The following FBXL13 variants were observed in gnomAD, a reference collection of about 807,000 sequenced individuals.
The protein encoded by FBXL13 is F-box and leucine rich repeat protein 13.
In FBXL13, 67 loss-of-function variants were observed where a neutral mutation model predicts 83.6. The observed-to-expected ratio is 0.80, with a 90% CI of 0.66 to 0.98. FBXL13 has a LOEUF of 0.98. FBXL13 is among the 50% of genes least tolerant of loss of function. FBXL13 has a pLI of 0.00. For synonymous variants in FBXL13, 272 were observed against 299.5 expected, an observed-to-expected ratio of 0.91 and a Z score of 0.95; for missense variants, 822 against 866.5, an observed-to-expected ratio of 0.95 and a Z score of 0.64.
chr7:102,846,748 G>GAAGCTTAAGAATCGTCCCT (rs61387388), intron 17 of FBXL13, among the ~76,000 whole-genome samples: 8 of 152,076 alleles, frequency 5.3e-5, no homozygotes, highest in Non-Finnish European at 7.3e-5. Context: ...TTGTACTAAG[G>GAAGCTTAAGAATCGTCCCT]AAGCTTAATG....
chr7:103,035,999 C>T (rs1303144838), intron 2 of FBXL13, among the ~76,000 whole-genome samples: 2 of 152,186 alleles, frequency 1.3e-5, no homozygotes, highest in East Asian at 3.8e-4. Context: ...AGGAGGTGAG[C>T]AGTGGGCAAG....
intron 17 of FBXL13, among the ~76,000 whole-genome samples, chr7:102,834,091 A>G (rs1462329377): frequency 0.099 from 7,470 of 75,332 alleles, 505 homozygotes; most frequent in African/African-American, 0.15. Flanking sequence ...GAAAGAAAAG[A>G]AAGAAAGAAA....
intron 6 of FBXL13, among the ~76,000 whole-genome samples, chr7:102,982,204 G>A (rs1380298295): frequency 6.6e-6 from 1 of 152,114 alleles, no homozygotes; most frequent in Admixed American, 6.5e-5. Context: ...CTTTTAGTTC[G>A]ATAGAACTAT....
At chr7:102,914,537 C>T (rs962179777) in intron 10 of FBXL13, among the ~76,000 whole-genome samples, 1 of 152,246 alleles carries the variant, frequency 6.6e-6, no homozygotes. Flanking sequence ...CAAAATCACA[C>T]AGGTGAATAA....
At chr7:102,936,533 G>A (rs1285408329) in intron 8 of FBXL13, among the ~76,000 whole-genome samples, 3 of 152,188 alleles carry the variant, frequency 2.0e-5, no homozygotes, top group Non-Finnish European at 4.4e-5. Context: ...TTGTTATGGT[G>A]AGTCCTTAGT....
intron 2 of FBXL13, among the ~76,000 whole-genome samples, chr7:103,050,420 T>C (rs1170057962): frequency 6.6e-6 from 1 of 152,180 alleles, no homozygotes; most frequent in Non-Finnish European, 1.5e-5. Context: ...CTTTTTTCGT[T>C]TTGGCCAGAA....
chr7:102,873,827 G>A (rs1441767909), intron 16 of FBXL13, among the ~76,000 whole-genome samples: 1 of 152,124 alleles, frequency 6.6e-6, no homozygotes, highest in Non-Finnish European at 1.5e-5. Flanking sequence ...CCTTTGTGCA[G>A]GCTGCTTCTT....
chr7:102,966,338 G>A (rs1352992231), intron 7 of FBXL13, among the ~76,000 whole-genome samples: 1 of 152,078 alleles, frequency 6.6e-6, no homozygotes, highest in Non-Finnish European at 1.5e-5. Context: ...TTTCCAACAA[G>A]GTATTGGGTG....
At chr7:102,897,856 A>T (rs1162175176) in intron 11 of FBXL13, among the ~76,000 whole-genome samples, 1 of 152,204 alleles carries the variant, frequency 6.6e-6, no homozygotes, top group African/African-American at 2.4e-5. Context: ...ATATAAGATG[A>T]CTTTAATACT....
intron 16 of FBXL13, chr7:102,857,609 C>T (rs1806217029): frequency 6.6e-6 from 1 of 152,252 alleles, no homozygotes; most frequent in Non-Finnish European, 1.5e-5. Context: ...ATAGCCAACC[C>T]TGATAGAGGA....
chr7:103,025,227 A>C, exon 6 of FBXL13: 1 of 1,560,076 alleles, frequency 6.4e-7, no homozygotes, highest in Non-Finnish European at 8.7e-7. Context: ...TCATGTTTTA[A>C]TATCTGCAAT....
At chr7:102,811,512 G>T (rs1797433710), downstream of FBXL13, among the ~76,000 whole-genome samples, 1 of 152,122 alleles carries the variant, frequency 6.6e-6, no homozygotes. Context: ...TGTGTCTTCT[G>T]TTCTTGTTTA....
At chr7:102,989,611 T>C (rs1478566284) in intron 6 of FBXL13, among the ~76,000 whole-genome samples, 6 of 152,208 alleles carry the variant, frequency 3.9e-5, no homozygotes, top group African/African-American at 9.7e-5. Flanking sequence ...CTCAGCAGCA[T>C]AGGGAGGCCT....
intron 6 of FBXL13, among the ~76,000 whole-genome samples, chr7:102,972,542 A>G (rs373391303): frequency 4.6e-5 from 7 of 152,260 alleles, no homozygotes; most frequent in Admixed American, 2.6e-4. Context: ...TAAATACTCA[A>G]TAAATAGTAC....
intron 17 of FBXL13, among the ~76,000 whole-genome samples, chr7:102,846,383 T>C (rs2129450099): frequency 6.6e-6 from 1 of 152,256 alleles, no homozygotes; most frequent in African/African-American, 2.4e-5. Context: ...CTTTGGAGGC[T>C]GAGGCAGGCA....
chr7:102,973,700 C>T lies in FBXL13; in HGVS notation c.496-5583G>A, dbSNP rs182316080. 6.4e-4 allele frequency: 493 copies of T among 766,420 alleles called. 12 individuals carry two copies. In the East Asian group the frequency reaches 0.012, roughly 18 times the overall value. The allele number at this position is 766,420 out of a possible 1,614,324, so 47.5% of individuals were successfully genotyped here. ...GCCCCAGAAAGCAGGCCACAGCAGC[C>T]GGACAAAGGAAGCTCCTCAGCCTCC... On this transcript the variant is annotated intron_variant, in intron 6 of 19. Transcript: ENST00000313221.
At chr7:102,872,868 T>C (rs1808709782) in intron 16 of FBXL13, among the ~76,000 whole-genome samples, 1 of 152,192 alleles carries the variant, frequency 6.6e-6, no homozygotes, top group South Asian at 2.1e-4. Flanking sequence ...CAAATTGACA[T>C]ATTTCCTCTT....
chr7:102,926,210 G>C (rs916307983), intron 10 of FBXL13, 64 bp downstream of exon 11: 4 of 1,414,868 alleles, frequency 2.8e-6, no homozygotes, highest in Admixed American at 1.9e-5. Flanking sequence ...CAGAATGCTA[G>C]AGCAAGCCAG....
chr7:102,891,175 G>T (rs1811492575), intron 11 of FBXL13, among the ~76,000 whole-genome samples: 1 of 152,200 alleles, frequency 6.6e-6, no homozygotes, highest in African/African-American at 2.4e-5. Flanking sequence ...AGGAAGAGAG[G>T]TCTGGTAATT....
Sources: gnomAD v4.1 joint callset for allele counts (sites outside exome capture counted in the v4.1 genomes callset) on GRCh38, gnomAD v4.1.1 for gene constraint, MANE v1.5 for transcripts, NCBI Gene and HGNC (gene_info 2026-07-23, HGNC 2026-07-21) for gene names.